CRACD: variants seen among roughly 807,000 people sequenced by gnomAD.
The protein encoded by CRACD is capping protein inhibiting regulator of actin dynamics, also known as capping protein-inhibiting regulator of actin dynamics.
CRACD carries 56 observed loss-of-function variants against 106.8 expected under a neutral mutation model. The observed-to-expected ratio is 0.52, with a 90% CI of 0.42 to 0.66. The LOEUF (loss-of-function observed/expected upper bound fraction) is 0.66, where lower values mean the gene tolerates loss of function less well. CRACD is among the 30% of genes least tolerant of loss of function. CRACD has a pLI of 0.00. For synonymous variants in CRACD, 754 were observed against 670.8 expected, an observed-to-expected ratio of 1.12 and a Z score of -1.92; for missense variants, 1,730 against 1,623.2, an observed-to-expected ratio of 1.07 and a Z score of -1.13.
At chr4:56,163,503 G>A (rs1026281167) in intron 1 of CRACD, among the ~76,000 whole-genome samples, 2 of 151,056 alleles carry the variant, frequency 1.3e-5, no homozygotes, top group African/African-American at 2.5e-5. Flanking sequence ...GTCCCCTTAT[G>A]TTAAAAAAAG....
At chr4:56,058,359 G>A (rs866205295) in intron 1 of CRACD, among the ~76,000 whole-genome samples, 13 of 152,314 alleles carry the variant, frequency 8.5e-5, no homozygotes, top group Middle Eastern at 6.8e-3. Flanking sequence ...GTGAGCCACC[G>A]CACCTGGCCT....
chr4:56,154,316 A>G (rs1735692839), intron 1 of CRACD, among the ~76,000 whole-genome samples: 1 of 152,078 alleles, frequency 6.6e-6, no homozygotes, highest in Non-Finnish European at 1.5e-5. Context: ...AAATACAAAA[A>G]TTAGCAGGGC....
intron 1 of CRACD, among the ~76,000 whole-genome samples, chr4:56,054,514 T>A (rs928082363): frequency 5.3e-5 from 8 of 152,198 alleles, no homozygotes; most frequent in African/African-American, 1.9e-4. Context: ...TTCATAGAGA[T>A]AAGAACGAAA....
chr4:56,307,451 T>C (rs2109746685), intron 4 of CRACD, 84 bp from the exon 5 acceptor site: 2 of 1,384,530 alleles, frequency 1.4e-6, no homozygotes, highest in South Asian at 1.3e-5. Flanking sequence ...GCCTCAGTGC[T>C]CACTAGACAT....
chr4:56,090,312 A>G (rs528958117), intron 1 of CRACD, among the ~76,000 whole-genome samples: 1 of 152,166 alleles, frequency 6.6e-6, no homozygotes, highest in African/African-American at 2.4e-5. Flanking sequence ...TTTTCTAGGA[A>G]TCTCCTCTTA....
intron 1 of CRACD, among the ~76,000 whole-genome samples, chr4:56,050,469 T>C (rs2109773621): frequency 6.6e-6 from 1 of 152,306 alleles, no homozygotes; most frequent in East Asian, 1.9e-4. Context: ...AAATCACCTA[T>C]AGTAATTGTG....
chr4:56,211,247 T>A (rs992851958), intron 2 of CRACD, among the ~76,000 whole-genome samples: 1 of 152,192 alleles, frequency 6.6e-6, no homozygotes, highest in African/African-American at 2.4e-5. Flanking sequence ...CCATCTTGAA[T>A]AGGGGCTGAG....
intron 2 of CRACD, among the ~76,000 whole-genome samples, chr4:56,226,029 A>G (rs993183263): frequency 4.1e-4 from 62 of 152,210 alleles, no homozygotes; most frequent in African/African-American, 1.4e-3. Context: ...GTGTGAATGG[A>G]ACCCTGAAAG....
intron 2 of CRACD, among the ~76,000 whole-genome samples, chr4:56,201,913 A>G (rs944633601): frequency 6.6e-6 from 1 of 152,174 alleles, no homozygotes; most frequent in East Asian, 1.9e-4. Flanking sequence ...ACACATGTAC[A>G]AGTTGTTTAT....
At chr4:56,108,879 T>C (rs1734030459) in intron 1 of CRACD, among the ~76,000 whole-genome samples, 1 of 152,002 alleles carries the variant, frequency 6.6e-6, no homozygotes, top group Admixed American at 6.5e-5. Flanking sequence ...GAACCAGGAG[T>C]ACGAGAGGAA....
Position 56,183,235 on chromosome 4 carries a change from AAAAAT to A in CRACD, c.-189+3855_-189+3859del, listed in dbSNP as rs201101283. On this transcript the variant is annotated intron_variant, in intron 2 of 10. Coordinates refer to ENST00000682029, the MANE Select transcript of CRACD (RefSeq NM_001393381.1). ...GCTACAAGAGTGAAACTCCGTCTCA[AAAAAT>A]AAAATAAAATAAAATAAAATAAAAT... Among the ~76,000 whole-genome samples the A allele has an allele frequency of 3.4e-3, 429 of 124,432 alleles. 3 individuals are homozygous for A. The highest frequency in any genetic ancestry group is 8.8e-3 in the East Asian group (41 of 4,658). 81.6% of individuals were successfully genotyped at this position (124,432 alleles called of 152,430 possible). A position where few individuals can be genotyped will look rare whatever the true frequency, so the allele number is the denominator to read the frequency against.
At chr4:56,217,391 A>G (rs923786016) in intron 2 of CRACD, among the ~76,000 whole-genome samples, 2 of 151,112 alleles carry the variant, frequency 1.3e-5, no homozygotes, top group Admixed American at 1.3e-4. Flanking sequence ...ATCAATCAAT[A>G]CATGTAAAAG....
At chr4:56,213,571 C>T (rs1325637473) in intron 2 of CRACD, among the ~76,000 whole-genome samples, 1 of 152,202 alleles carries the variant, frequency 6.6e-6, no homozygotes, top group Admixed American at 6.5e-5. Flanking sequence ...TTCAGAGAGA[C>T]TCCAGTACAG....
At position 56,329,650 on chromosome 4, in the gene CRACD, C is replaced by T. The variant is rs1041423220; in HGVS notation, c.*1846C>T. Among the ~76,000 whole-genome samples the T allele has an allele frequency of 6.6e-6, 1 of 152,134 alleles. No individual in the cohort carries two copies. The highest frequency in any genetic ancestry group is 1.5e-5 in the Non-Finnish European group (1 of 68,002). ...ACTGCACGTCTTCCATACTAATGTT[C>T]ATTTCTAAATCTTATATGTAGGCAT... is the stretch of plus-strand genomic sequence containing the variant. On this transcript the variant is annotated 3_prime_UTR_variant, in exon 11 of 11. Transcript: ENST00000682029.
chr4:56,272,255 T>G (rs1742398527), intron 2 of CRACD, 66 bp from the exon 3 acceptor site: 1 of 153,612 alleles, frequency 6.5e-6, no homozygotes, highest in Admixed American at 6.5e-5. Context: ...GGGTTATAAT[T>G]TGCTCCTTAG....
At chr4:56,130,559 C>T (rs972696418) in intron 1 of CRACD, among the ~76,000 whole-genome samples, 7 of 151,924 alleles carry the variant, frequency 4.6e-5, no homozygotes, top group African/African-American at 7.3e-5. Context: ...TTTATTTATC[C>T]GTTTATCATC....
chr4:56,200,902 C>T (rs535245241), intron 2 of CRACD, among the ~76,000 whole-genome samples: 7 of 152,106 alleles, frequency 4.6e-5, no homozygotes, highest in African/African-American at 1.7e-4. Context: ...AGTATATTCA[C>T]GCAGTTGTCC....
rs1300247107 is a variant in CRACD, at chr4:56,314,985, G to C, written c.1483G>C (p.Glu495Gln). Residue 495 changes from glutamate (E) to glutamine (Q), a missense_variant, in exon 8 of 11, where the codon GAG (glutamate) becomes CAG (glutamine). By Grantham distance (29) the Glu-to-Gln change is conservative (BLOSUM62 2). Around this residue, in one of 5 missense-constraint regions of CRACD, gnomAD observed 1,620 missense variants for 1,481.6 expected, o/e 1.09. Coordinates refer to ENST00000682029, the MANE Select transcript of CRACD (RefSeq NM_001393381.1). The surrounding 1 kb of genome is among the most constrained non-coding windows in gnomAD (Gnocchi z 4.4). ...GGACACGGAGCCTCTCCTGAAACAA[G>C]AGGGGCCGGTGGAAGCCGCGCAGCC... ...EGDTEPLLKQ[E>Q]GPVEAAQPPV... is the part of the protein sequence containing the mutation. 1 of 1,587,062 alleles carries C rather than the reference G, an allele frequency of 6.3e-7. No individual in the cohort carries two copies. The highest frequency in any genetic ancestry group is 8.6e-7 in the Non-Finnish European group (1 of 1,168,046).
At chr4:56,201,505 A>T (rs1000730149) in intron 2 of CRACD, among the ~76,000 whole-genome samples, 18 of 152,170 alleles carry the variant, frequency 1.2e-4, no homozygotes, top group Non-Finnish European at 1.5e-5. Context: ...AGTAGCATTG[A>T]TGGGAGGACT....
Sources: allele counts gnomAD v4.1 joint callset (sites outside exome capture counted in the v4.1 genomes callset), GRCh38; gene constraint gnomAD v4.1.1; regional missense constraint gnomAD v4.1.1; non-coding constraint Gnocchi (gnomAD v3.1); transcripts MANE v1.5; gene names NCBI Gene and HGNC (gene_info 2026-07-23, HGNC 2026-07-21).